The following GFPT1 variants were observed in gnomAD, a reference collection of about 807,000 sequenced individuals.
GFPT1 encodes glutamine--fructose-6-phosphate aminotransferase [isomerizing] 1.
A neutral mutation model predicts 92.0 loss-of-function variants in GFPT1; 40 were observed. The ratio of observed to expected loss-of-function variants is 0.43; its 90% confidence interval spans 0.34 to 0.57. The LOEUF is 0.57. GFPT1 is among the 20% of genes least tolerant of loss of function. GFPT1 has a pLI of 0.02. For synonymous variants in GFPT1, 269 were observed against 280.6 expected, an observed-to-expected ratio of 0.96 and a Z score of 0.41; for missense variants, 448 against 869.1, an observed-to-expected ratio of 0.52 and a Z score of 6.09.
At chr2:69,338,400 G>A (rs780321858) in intron 14 of GFPT1, 45 bp downstream of exon 14, 3 of 1,538,478 alleles carry the variant, frequency 1.9e-6, no homozygotes, top group Non-Finnish European at 2.7e-6. Context: ...AGAATTATTA[G>A]AAAGAATAAC....
intron 12 of GFPT1, among the ~76,000 whole-genome samples, chr2:69,342,760 A>G (rs1043321801): frequency 2.6e-5 from 4 of 152,222 alleles, no homozygotes; most frequent in Admixed American, 6.5e-5. Context: ...GAATTTTATT[A>G]TATCTAATTA....
chr2:69,322,330 G>T lies in GFPT1; in HGVS notation c.*3859C>A, dbSNP rs1423096212. 2.0e-5 allele frequency: 3 copies of T among 151,940 alleles called. No homozygotes were observed. The highest frequency in any genetic ancestry group is 4.4e-5 in the Non-Finnish European group (3 of 67,986). 9.4% of individuals were successfully genotyped at this position (151,940 alleles called of 1,614,324 possible). A position where few individuals can be genotyped will look rare whatever the true frequency, so the allele number is the denominator to read the frequency against. Reference sequence around the variant, plus strand: ...GTGCTTCTTTAGAAAAATCACTTAAGTTGTAGCATACAATAGTTAACATTA... The same window carrying T: ...GTGCTTCTTTAGAAAAATCACTTAATTTGTAGCATACAATAGTTAACATTA... On this transcript the variant is annotated 3_prime_UTR_variant, in exon 20 of 20. Coordinates refer to ENST00000357308, the MANE Select transcript of GFPT1 (RefSeq NM_001244710.2).
At chr2:69,356,811 C>A (rs1671349600) in intron 6 of GFPT1, among the ~76,000 whole-genome samples, 1 of 151,272 alleles carries the variant, frequency 6.6e-6, no homozygotes. Context: ...GATCTCGGCT[C>A]ACTGCAACCC....
chr2:69,385,997 T>C (rs1307830797), intron 1 of GFPT1, among the ~76,000 whole-genome samples: 1 of 151,320 alleles, frequency 6.6e-6, no homozygotes, highest in Non-Finnish European at 1.5e-5. Context: ...CCCAGAGAGT[T>C]TTCAATTCTC....
intron 15 of GFPT1, among the ~76,000 whole-genome samples, chr2:69,333,338 T>C (rs1361198098): frequency 2.0e-5 from 3 of 152,220 alleles, no homozygotes; most frequent in African/African-American, 7.2e-5. Flanking sequence ...ACTGAAACCA[T>C]CTGAACACTA....
chr2:69,340,682 C>A (rs1015682086), intron 13 of GFPT1, among the ~76,000 whole-genome samples: 2 of 150,466 alleles, frequency 1.3e-5, no homozygotes, highest in Non-Finnish European at 3.0e-5. Context: ...GAAACAACAA[C>A]AAAAATGTAA....
intron 1 of GFPT1, among the ~76,000 whole-genome samples, chr2:69,380,689 A>G (rs887681063): frequency 2.6e-5 from 4 of 152,138 alleles, no homozygotes; most frequent in African/African-American, 9.7e-5. Flanking sequence ...ACAATTTTTC[A>G]TCATACTGCC....
intron 9 of GFPT1, 111 bp downstream of exon 9, chr2:69,354,148 G>T: frequency 3.2e-6 from 2 of 633,846 alleles, no homozygotes; most frequent in Non-Finnish European, 5.0e-6. Context: ...CACAAAATAA[G>T]CACATTTTTA....
At position 69,325,116 on chromosome 2, in the gene GFPT1, G is replaced by GA. The variant is rs1670498136; in HGVS notation, c.*1072dup. 6.6e-6 allele frequency: 1 copy of GA among 152,154 alleles called. No individual in the cohort carries two copies. The highest frequency in any genetic ancestry group is 1.5e-5 in the Non-Finnish European group (1 of 68,004). 9.4% of individuals were successfully genotyped at this position (152,154 alleles called of 1,614,324 possible). A position where few individuals can be genotyped will look rare whatever the true frequency, so the allele number is the denominator to read the frequency against. On this transcript the variant is annotated 3_prime_UTR_variant, in exon 20 of 20. Transcript: ENST00000357308. ...TTAGCCTACCACATATACTTAGAGT[G>GA]AAATGATGAGGTCAGCGACCTGCAA...
intron 15 of GFPT1, among the ~76,000 whole-genome samples, chr2:69,332,506 C>T (rs952430601): frequency 3.3e-5 from 5 of 151,740 alleles, no homozygotes; most frequent in South Asian, 2.1e-4. Flanking sequence ...TTAGTAGAGA[C>T]GGGGTTTCAC....
intron 3 of GFPT1, among the ~76,000 whole-genome samples, chr2:69,368,938 C>T (rs1259729109): frequency 6.6e-6 from 1 of 152,162 alleles, no homozygotes; most frequent in East Asian, 1.9e-4. Context: ...AGAAGGTCCT[C>T]CCTTCACATC....
At chr2:69,334,932 T>G (rs1670755840) in intron 15 of GFPT1, among the ~76,000 whole-genome samples, 2 of 152,228 alleles carry the variant, frequency 1.3e-5, no homozygotes, top group African/African-American at 4.8e-5. Flanking sequence ...ATGAATTTAC[T>G]AAAACTGTAC....
chr2:69,369,145 T>G (rs542487681), intron 3 of GFPT1, among the ~76,000 whole-genome samples: 95 of 152,322 alleles, frequency 6.2e-4, no homozygotes, highest in African/African-American at 2.0e-3. Context: ...TTTGGGTGTC[T>G]GCTTTACCCC....
At chr2:69,382,681 A>T (rs1467947574) in intron 1 of GFPT1, among the ~76,000 whole-genome samples, 1 of 152,074 alleles carries the variant, frequency 6.6e-6, no homozygotes, top group Non-Finnish European at 1.5e-5. Flanking sequence ...TTCCTCCTTC[A>T]TCTGGTAGTA....
intron 1 of GFPT1, among the ~76,000 whole-genome samples, chr2:69,382,318 T>C (rs932809808): frequency 6.6e-6 from 1 of 152,240 alleles, no homozygotes; most frequent in Non-Finnish European, 1.5e-5. Flanking sequence ...GACAAAGTTA[T>C]AAGCATATGA....
chr2:69,338,877 G>A (rs1419864393), intron 13 of GFPT1, among the ~76,000 whole-genome samples: 2 of 143,446 alleles, frequency 1.4e-5, no homozygotes, highest in African/African-American at 2.7e-5. Context: ...TCGGCTCACC[G>A]TAACCTCCGC....
intron 9 of GFPT1, among the ~76,000 whole-genome samples, chr2:69,352,318 T>A (rs6728752): frequency 0.66 from 99,638 of 151,090 alleles, 34,205 homozygotes; most frequent in African/African-American, 0.87. Flanking sequence ...CTCAGCATTT[T>A]AAAAAAATAA....
chr2:69,364,114 C>CAA (rs10715095), intron 3 of GFPT1, among the ~76,000 whole-genome samples: 1,561 of 99,046 alleles, frequency 0.016, 37 homozygotes, highest in African/African-American at 0.051. Flanking sequence ...GACTCCATCT[C>CAA]AAAAAAAAAA....
chr2:69,356,574 A>C lies in GFPT1; in HGVS notation c.544-17T>G, dbSNP rs771723516. ...AGCACCTTCCTAGGGAGGGAAAAAAATCCATTAGCACTATTTAATCAATTA... is the reference window on the plus strand; with the variant it reads ...AGCACCTTCCTAGGGAGGGAAAAAACTCCATTAGCACTATTTAATCAATTA... On this transcript the variant is annotated splice_polypyrimidine_tract_variant and intron_variant, in intron 6 of 19. Coordinates refer to ENST00000357308, the MANE Select transcript of GFPT1 (RefSeq NM_001244710.2). 6 of 1,579,270 alleles carry C rather than the reference A, an allele frequency of 3.8e-6. No individual in the cohort carries two copies. The East Asian group carries it at 1.3e-4, about 35-fold the overall frequency.
Sources: allele counts gnomAD v4.1 joint callset (sites outside exome capture counted in the v4.1 genomes callset), GRCh38; gene constraint gnomAD v4.1.1; transcripts MANE v1.5; gene names NCBI Gene and HGNC (gene_info 2026-07-23, HGNC 2026-07-21).